SLC60A2: variants seen among roughly 807,000 people sequenced by gnomAD.
SLC60A2 encodes major facilitator superfamily domain containing 4B.
At chr6:111,279,414 A>C in the SLC60A2 span, among the ~76,000 whole-genome samples, 9,700 of 151,938 alleles carry the variant, frequency 0.064, 547 homozygotes, top group African/African-American at 0.15. Flanking sequence ...GTGCCCAGCT[A>C]ATTTTTTGTA....
chr6:111,270,417 T>C, the SLC60A2 span: 5 of 152,216 alleles, frequency 3.3e-5, no homozygotes, highest in African/African-American at 1.2e-4. Flanking sequence ...ACATGATGGC[T>C]CACACCTGTA....
At chr6:111,269,659 T>C in the SLC60A2 span, 1 of 152,174 alleles carries the variant, frequency 6.6e-6, no homozygotes, top group Non-Finnish European at 1.5e-5. Flanking sequence ...CAGCATTTAC[T>C]GTTACAGGGT....
the SLC60A2 span, chr6:111,266,723 G>A: frequency 6.2e-6 from 10 of 1,614,138 alleles, no homozygotes; most frequent in Non-Finnish European, 8.5e-6. Flanking sequence ...CTGTAGTTCT[G>A]TATACCTCTT....
At chr6:111,266,574 C>T in the SLC60A2 span, 2 of 1,614,050 alleles carry the variant, frequency 1.2e-6, no homozygotes, top group Admixed American at 3.3e-5. Context: ...AACCACATTT[C>T]CGAGTGGTGT....
the SLC60A2 span, chr6:111,264,031 T>A: frequency 1.2e-5 from 8 of 687,794 alleles, no homozygotes; most frequent in South Asian, 1.6e-4. Flanking sequence ...TCACTTGCAA[T>A]GCCCCCTAAA....
the SLC60A2 span, chr6:111,267,330 T>A: frequency 2.2e-5 from 11 of 491,842 alleles, no homozygotes; most frequent in African/African-American, 2.1e-4. Flanking sequence ...AATAGGATCT[T>A]GTTATAACGC....
the SLC60A2 span, among the ~76,000 whole-genome samples, chr6:111,275,474 A>G: frequency 6.7e-6 from 1 of 148,864 alleles, no homozygotes; most frequent in Non-Finnish European, 1.5e-5. Flanking sequence ...CAATGGCATG[A>G]TCTTGGCTCA....
At chr6:111,263,983 GACTTGCTAGAAGAAGT>G in the SLC60A2 span, 4 of 1,082,368 alleles carry the variant, frequency 3.7e-6, no homozygotes, top group South Asian at 5.2e-5. Context: ...TGGGAGTAGG[GACTTGCTAGAAGAAGT>G]ACAGCAGATG....
the SLC60A2 span, chr6:111,278,451 T>G: frequency 6.6e-6 from 1 of 152,204 alleles, no homozygotes; most frequent in Non-Finnish European, 1.5e-5. Flanking sequence ...ATTGATATAG[T>G]TTGGCTGTGT....
the SLC60A2 span, among the ~76,000 whole-genome samples, chr6:111,277,598 T>C: frequency 6.6e-6 from 1 of 152,322 alleles, no homozygotes; most frequent in South Asian, 2.1e-4. Context: ...TGTTTTTCTA[T>C]TTTAAGTAAA....
chr6:111,262,264 G>A, the SLC60A2 span: 3 of 1,611,974 alleles, frequency 1.9e-6, no homozygotes, highest in Non-Finnish European at 2.5e-6. Flanking sequence ...TAGGGATTGA[G>A]TGTTGCTATA....
At chr6:111,277,227 G>A in the SLC60A2 span, among the ~76,000 whole-genome samples, 1 of 152,228 alleles carries the variant, frequency 6.6e-6, no homozygotes, top group Non-Finnish European at 1.5e-5. Flanking sequence ...ATGAAAATTG[G>A]CAGGTCCTGG....
the SLC60A2 span, chr6:111,278,831 A>G: frequency 6.6e-6 from 1 of 152,208 alleles, no homozygotes; most frequent in Non-Finnish European, 1.5e-5. Flanking sequence ...GAAGCAAGGG[A>G]AAGTGACATT....
chr6:111,276,362 T>G, the SLC60A2 span, among the ~76,000 whole-genome samples: 1 of 152,244 alleles, frequency 6.6e-6, no homozygotes, highest in Admixed American at 6.5e-5. Flanking sequence ...TGTCTTAGAT[T>G]TTTTTCTTAA....
chr6:111,267,868 T>A, the SLC60A2 span: 45 of 152,212 alleles, frequency 3.0e-4, no homozygotes, highest in African/African-American at 1.1e-3. Flanking sequence ...ACCTTATCTG[T>A]AGGGTTGGAT....
chr6:111,263,765 T>C, the SLC60A2 span: 3 of 803,646 alleles, frequency 3.7e-6, no homozygotes, highest in African/African-American at 3.4e-5. Context: ...TGGACATTTA[T>C]GATATTGACT....
chr6:111,263,912 T>A, the SLC60A2 span: 7 of 1,608,760 alleles, frequency 4.4e-6, no homozygotes, highest in Non-Finnish European at 6.0e-6. Flanking sequence ...TCATGATGTC[T>A]ATCTTCGGTG....
the SLC60A2 span, chr6:111,266,426 TG>T: frequency 6.2e-7 from 1 of 1,614,224 alleles, no homozygotes; most frequent in South Asian, 1.1e-5. Flanking sequence ...CAATCTTTTT[TG>T]CTACCTGTTT....
the SLC60A2 span, chr6:111,259,343 A>C: frequency 3.4e-6 from 1 of 297,930 alleles, no homozygotes; most frequent in South Asian, 1.3e-4. Flanking sequence ...CTTGCTGGAG[A>C]GCGAGCGTCT....
Sources: gnomAD v4.1 joint callset for allele counts (sites outside exome capture counted in the v4.1 genomes callset) on GRCh38, gnomAD v4.1.1 for gene constraint, MANE v1.5 for transcripts, NCBI Gene and HGNC (gene_info 2026-07-23, HGNC 2026-07-21) for gene names.